The following PRKCE variants were observed in gnomAD, a reference collection of about 807,000 sequenced individuals.
PRKCE encodes the protein protein kinase C epsilon.
Under a neutral mutation model 85.4 loss-of-function variants are expected in PRKCE, and 16 were observed. The ratio of observed to expected loss-of-function variants is 0.19; its 90% CI spans 0.13 to 0.28. The LOEUF (loss-of-function observed/expected upper bound fraction) is 0.28. Among genes scored for constraint, PRKCE ranks in the 10% least tolerant of loss-of-function variants. The pLI, the probability that PRKCE is intolerant of heterozygous loss-of-function variation, is 1.00. For synonymous variants in PRKCE, 388 were observed against 371.5 expected (o/e 1.04, Z -0.51); for missense variants, 573 against 975.2 (o/e 0.59, Z 5.49).
At chr2:45,707,150 C>G (rs548006451) in intron 1 of PRKCE, among the ~76,000 whole-genome samples, 7 of 152,290 alleles carry the variant, frequency 4.6e-5, no homozygotes, top group African/African-American at 1.2e-4. Context: ...GTGGAAGTCC[C>G]TCGTGGATCG....
chr2:45,862,991 C>A (rs1693291725), intron 2 of PRKCE, among the ~76,000 whole-genome samples: 1 of 152,192 alleles, frequency 6.6e-6, no homozygotes, highest in Admixed American at 6.5e-5. Flanking sequence ...GTCTCCACCC[C>A]CTCTACTTGC....
rs994561683 is a variant in PRKCE, at chr2:45,686,076, A to G, written c.348+33628A>G. Reference sequence around the variant, plus strand: ...GTGCCTTATCTTGTATATGTCCTGTATAAAACGCACAGCTGATCCTATGAA... The same window carrying G: ...GTGCCTTATCTTGTATATGTCCTGTGTAAAACGCACAGCTGATCCTATGAA... On this transcript the variant is annotated intron_variant, in intron 1 of 14. Coordinates refer to ENST00000306156, the MANE Select transcript of PRKCE (RefSeq NM_005400.3). 2.0e-5 allele frequency among the ~76,000 whole-genome samples: 3 copies of G among 152,166 alleles called. No individual in the cohort carries two copies. The East Asian group carries it at 5.8e-4, about 29-fold the overall frequency.
chr2:46,075,681 C>G (rs543047796), intron 10 of PRKCE, among the ~76,000 whole-genome samples: 18 of 152,128 alleles, frequency 1.2e-4, no homozygotes, highest in African/African-American at 4.1e-4. Context: ...CCTGGGAGGC[C>G]AAGGCTGCAG....
chr2:46,101,859 C>A (rs1314947976), intron 11 of PRKCE, among the ~76,000 whole-genome samples: 57 of 114,040 alleles, frequency 5.0e-4, no homozygotes, highest in Non-Finnish European at 5.8e-4. Flanking sequence ...AACTGGCTTT[C>A]AAAAAAAAAA....
In PRKCE at chr2:45,987,711, G is replaced by A. The variant is rs553717306; in HGVS notation, c.823+3031G>A. Among the ~76,000 whole-genome samples the A allele has an allele frequency of 3.3e-5, 5 of 152,286 alleles. No homozygotes were observed. In the South Asian group the frequency reaches 1.0e-3, roughly 32 times the overall value. On this transcript the variant is annotated intron_variant, in intron 6 of 14. Transcript: ENST00000306156. ...CCTTGGGATCCACTCATGGTGTTGA[G>A]CATTCTGTGGATTTGGACAAATGGA...
intron 1 of PRKCE, among the ~76,000 whole-genome samples, chr2:45,814,942 G>T (rs1688923601): frequency 6.6e-6 from 1 of 152,154 alleles, no homozygotes. Context: ...AACCAACAAG[G>T]TGTTGGTTTG....
chr2:45,923,336 TCTGCTAACAAGCGTTTGTGTGC>T (rs1446241471), intron 2 of PRKCE, among the ~76,000 whole-genome samples: 1 of 152,226 alleles, frequency 6.6e-6, no homozygotes, highest in Non-Finnish European at 1.5e-5. Context: ...AACCAGGCAT[TCTGCTAACAAGCGTTTGTGTGC>T]CCAGAGCAGT....
At chr2:46,108,544 A>G (rs888030531) in intron 11 of PRKCE, among the ~76,000 whole-genome samples, 1 of 152,206 alleles carries the variant, frequency 6.6e-6, no homozygotes, top group African/African-American at 2.4e-5. Flanking sequence ...AGGCTGCTCG[A>G]TGGGTACAAT....
At chr2:45,854,266 A>G (rs770539262) in intron 2 of PRKCE, among the ~76,000 whole-genome samples, 9 of 152,178 alleles carry the variant, frequency 5.9e-5, no homozygotes, top group Middle Eastern at 3.2e-3. Context: ...CAAAACAAGT[A>G]TGGGGACAAG....
intron 2 of PRKCE, among the ~76,000 whole-genome samples, chr2:45,968,260 CA>C (rs1701866686): frequency 6.6e-6 from 1 of 152,174 alleles, no homozygotes; most frequent in South Asian, 2.1e-4. Context: ...CACACACACA[CA>C]CACACACCAT....
At chr2:45,812,119 C>T (rs182144157) in intron 1 of PRKCE, among the ~76,000 whole-genome samples, 24 of 152,326 alleles carry the variant, frequency 1.6e-4, no homozygotes, top group African/African-American at 5.8e-4. Context: ...GGGTGAGTCA[C>T]CCCACCTCTC....
chr2:45,833,138 CAAAAAA>C (rs35838849), intron 1 of PRKCE, among the ~76,000 whole-genome samples: 3 of 120,188 alleles, frequency 2.5e-5, no homozygotes, highest in East Asian at 5.0e-4. Context: ...GGCAACATGG[CAAAAAA>C]AAAAAAAAAG....
intron 2 of PRKCE, among the ~76,000 whole-genome samples, chr2:45,852,372 G>C (rs1692338101): frequency 6.6e-6 from 1 of 152,164 alleles, no homozygotes; most frequent in Admixed American, 6.5e-5. Flanking sequence ...TTTACTTTCA[G>C]GTGTATCCAT....
intron 1 of PRKCE, among the ~76,000 whole-genome samples, chr2:45,744,487 TTTTC>T (rs1682933888): frequency 3.2e-5 from 1 of 31,048 alleles, no homozygotes; most frequent in Non-Finnish European, 6.6e-5. Context: ...CTTTCTTTCT[TTTTC>T]TTTCTTTCTT....
chr2:45,773,744 C>T (rs1402621384), intron 1 of PRKCE, among the ~76,000 whole-genome samples: 1 of 152,144 alleles, frequency 6.6e-6, no homozygotes, highest in Non-Finnish European at 1.5e-5. Flanking sequence ...GTTACAGAGC[C>T]CCTGTTTGCC....
intron 1 of PRKCE, among the ~76,000 whole-genome samples, chr2:45,674,179 G>C (rs1676311057): frequency 6.6e-6 from 1 of 152,206 alleles, no homozygotes; most frequent in Non-Finnish European, 1.5e-5. Context: ...CTGATTTCAG[G>C]TTTTGTGCAC....
intron 11 of PRKCE, among the ~76,000 whole-genome samples, chr2:46,102,061 G>A (rs957251641): frequency 4.6e-5 from 7 of 152,190 alleles, no homozygotes; most frequent in East Asian, 3.9e-4. Flanking sequence ...GTGATTGTGC[G>A]TGTCTCTTCC....
chr2:46,119,753 T>C (rs566738721), intron 11 of PRKCE, among the ~76,000 whole-genome samples: 2 of 152,338 alleles, frequency 1.3e-5, no homozygotes, highest in African/African-American at 4.8e-5. Flanking sequence ...AGACAGTACG[T>C]AGATTCTCAC....
chr2:45,702,222 A>G (rs1277824191), intron 1 of PRKCE, among the ~76,000 whole-genome samples: 1 of 152,110 alleles, frequency 6.6e-6, no homozygotes, highest in African/African-American at 2.4e-5. Flanking sequence ...CAATACAAAG[A>G]TGACTTATGC....
Sources: gnomAD v4.1 joint callset for allele counts (sites outside exome capture counted in the v4.1 genomes callset) on GRCh38, gnomAD v4.1.1 for gene constraint, MANE v1.5 for transcripts, NCBI Gene and HGNC (gene_info 2026-07-23, HGNC 2026-07-21) for gene names.